Variants in RAB11FIP3 observed in about 807,000 individuals in gnomAD.
RAB11FIP3 encodes the protein rab11 family-interacting protein 3.
A neutral mutation model predicts 77.8 loss-of-function variants in RAB11FIP3; 17 were observed. That is an observed-to-expected ratio of 0.22 (90% CI 0.15 to 0.33). The LOEUF (loss-of-function observed/expected upper bound fraction) is 0.33. Among genes scored for constraint, RAB11FIP3 ranks in the 10% least tolerant of loss-of-function variants. The pLI is 1.00. For synonymous variants in RAB11FIP3, 437 were observed against 448.2 expected (o/e 0.98, Z 0.31); for missense variants, 1,005 against 1,011.2 (o/e 0.99, Z 0.08).
intron 2 of RAB11FIP3, among the ~76,000 whole-genome samples, chr16:466,566 G>C (rs1258414328): frequency 6.6e-6 from 1 of 152,224 alleles, no homozygotes; most frequent in Non-Finnish European, 1.5e-5. Flanking sequence ...GGAGGAGCCC[G>C]ATGCTCTGTC....
intron 9 of RAB11FIP3, among the ~76,000 whole-genome samples, chr16:512,414 G>A (rs1288208824): frequency 6.6e-6 from 1 of 151,584 alleles, no homozygotes; most frequent in Non-Finnish European, 1.5e-5. Flanking sequence ...CTAATTTTTT[G>A]TAATTTTAGT....
chr16:444,276 T>C (rs2055275481), intron 1 of RAB11FIP3, among the ~76,000 whole-genome samples: 1 of 152,216 alleles, frequency 6.6e-6, no homozygotes, highest in Non-Finnish European at 1.5e-5. Context: ...ATGCCTACTT[T>C]TCACTACCTT....
intron 1 of RAB11FIP3, among the ~76,000 whole-genome samples, chr16:450,081 A>T (rs2055382131): frequency 6.6e-6 from 1 of 152,212 alleles, no homozygotes; most frequent in Non-Finnish European, 1.5e-5. Context: ...TAGTCTTGGC[A>T]CACCTTCCTT....
In RAB11FIP3 at chr16:488,863, T is replaced by G. The variant is rs554359406; in HGVS notation, c.1128T>G (p.His376Gln). ...LLLLPGRPHP[H>Q]GQSVITVIGG... Reference sequence around the variant, plus strand: ...TTTTACTTTGCAGGCCTCACCCCCATGGCCAGTCTGTCATCACGGTGATCG... The same window carrying G: ...TTTTACTTTGCAGGCCTCACCCCCAGGGCCAGTCTGTCATCACGGTGATCG... The change falls in exon 5 of 14, where the codon CAT (histidine) becomes CAG (glutamine). Residue 376 changes from histidine (H) to glutamine (Q), a missense_variant. His to Gln is a conservative substitution (Grantham distance 24). Around this residue, in one of 4 missense-constraint regions of RAB11FIP3, gnomAD observed 433 missense variants for 436.1 expected, o/e 0.99. Transcript: ENST00000262305. The G allele has an allele frequency of 6.2e-7, 1 of 1,613,908 alleles. No individual in the cohort carries two copies. The highest frequency in any genetic ancestry group is 1.3e-5 in the African/African-American group (1 of 74,926).
chr16:456,671 T>A (rs2055509444), intron 1 of RAB11FIP3, among the ~76,000 whole-genome samples: 1 of 152,014 alleles, frequency 6.6e-6, no homozygotes. Context: ...GGCAGGAGAA[T>A]CATCCAAACC....
chr16:444,816 C>T (rs933157136), intron 1 of RAB11FIP3, among the ~76,000 whole-genome samples: 1 of 149,736 alleles, frequency 6.7e-6, no homozygotes, highest in East Asian at 2.0e-4. Context: ...GAGACTATCT[C>T]TATTAAAAAA....
chr16:463,842 T>C (rs1251661947), intron 2 of RAB11FIP3, among the ~76,000 whole-genome samples: 2 of 152,154 alleles, frequency 1.3e-5, no homozygotes, highest in African/African-American at 2.4e-5. Flanking sequence ...GGGGCCTCTG[T>C]GGTGAACCAG....
rs1393748763 is a variant in RAB11FIP3 at position 471,652 on chromosome 16, G to C, written c.903+263G>C. 6.6e-6 allele frequency among the ~76,000 whole-genome samples: 1 copy of C among 152,182 alleles called. No homozygotes were observed. Among genetic ancestry groups the C allele is most frequent in the Non-Finnish European group, 1.5e-5 (1 of 68,028 alleles). ...GAAGTGGGGTGGGCAGTGATGTCAT[G>C]ACCACCCGCTGCCAGGCTGGCAGGC... On this transcript the variant is annotated intron_variant, in intron 3 of 13. Coordinates refer to ENST00000262305, the MANE Select transcript of RAB11FIP3 (RefSeq NM_014700.4). This position sits in a 1 kb window ranked among gnomAD's most constrained non-coding sequence, Gnocchi z 4.4.
At chr16:488,551 G>A (rs1166992767) in intron 4 of RAB11FIP3, among the ~76,000 whole-genome samples, 1 of 152,050 alleles carries the variant, frequency 6.6e-6, no homozygotes, top group Non-Finnish European at 1.5e-5. Context: ...TGGGACTACA[G>A]TCGTGCGCAT....
Position 505,241 on chromosome 16 carries a change from C to T in RAB11FIP3, c.1396-283C>T, listed in dbSNP as rs948000172. On this transcript the variant is annotated intron_variant, in intron 7 of 13. Coordinates refer to ENST00000262305, the MANE Select transcript of RAB11FIP3 (RefSeq NM_014700.4). This position sits in a 1 kb window ranked among gnomAD's most constrained non-coding sequence, Gnocchi z 4.0. Reference sequence around the variant, plus strand: ...TGTTGGGGGGCTGAGTCTTGCTGCCCACCAGCCAGCCAGTCCAAAGGCACC... The same window carrying T: ...TGTTGGGGGGCTGAGTCTTGCTGCCTACCAGCCAGCCAGTCCAAAGGCACC... 2.0e-5 allele frequency among the ~76,000 whole-genome samples: 3 copies of T among 152,016 alleles called. No individual in the cohort carries two copies. The highest frequency in any genetic ancestry group is 7.2e-5 in the African/African-American group (3 of 41,394).
At chr16:482,856 G>C (rs1214916710) in intron 4 of RAB11FIP3, 120 bp downstream of exon 4, 3 of 1,113,228 alleles carry the variant, frequency 2.7e-6, no homozygotes, top group Non-Finnish European at 3.8e-6. Flanking sequence ...ATTATGTGGG[G>C]GTGGGGCTTG....
Position 472,369 on chromosome 16 carries a change from G to A in RAB11FIP3, c.903+980G>A, listed in dbSNP as rs986893647. On this transcript the variant is annotated intron_variant, in intron 3 of 13. Transcript: ENST00000262305. The surrounding 1 kb of genome is among the most constrained non-coding windows in gnomAD (Gnocchi z 4.1). ...GGGCTGCAGCTTCTGGGGCCAGGGC[G>A]CCCACCGTGGGTCCCATGTTTGGCC... is the stretch of plus-strand genomic sequence containing the variant. 5.3e-5 allele frequency among the ~76,000 whole-genome samples: 8 copies of A among 152,326 alleles called. No homozygotes were observed. Among genetic ancestry groups the A allele is most frequent in the Non-Finnish European group, 8.8e-5 (6 of 68,020 alleles).
At chr16:504,935 ACCT>A (rs1237774808) in intron 7 of RAB11FIP3, among the ~76,000 whole-genome samples, 4 of 59,246 alleles carry the variant, frequency 6.8e-5, no homozygotes. Context: ...GTACTCTCTC[ACCT>A]CCTCCTGTAC....
At chr16:439,630 C>T (rs950545096) in intron 1 of RAB11FIP3, among the ~76,000 whole-genome samples, 3 of 152,094 alleles carry the variant, frequency 2.0e-5, no homozygotes, top group Non-Finnish European at 2.9e-5. Flanking sequence ...GATGCACACC[C>T]GTGACACAGC....
chr16:480,095 T>C (rs905669434), intron 3 of RAB11FIP3, among the ~76,000 whole-genome samples: 1 of 152,022 alleles, frequency 6.6e-6, no homozygotes, highest in Admixed American at 6.6e-5. Context: ...GAGACTGGCC[T>C]GGCCAACGTG....
rs945237755 is a variant in RAB11FIP3 at position 522,062 on chromosome 16, C to T, written c.*1223C>T. ...GCGCGTGTACGTGTGGCCCCACATC[C>T]GCCGCCTTCCACGCTAGGATGTAAG... On this transcript the variant is annotated 3_prime_UTR_variant, in exon 14 of 14. Transcript: ENST00000262305. 2.1e-5 allele frequency: 3 copies of T among 142,880 alleles called. No homozygotes were observed. Among genetic ancestry groups the T allele is most frequent in the Admixed American group, 1.3e-4 (2 of 14,900 alleles). The allele number at this position is 142,880 out of a possible 1,614,324, so 8.9% of individuals were successfully genotyped here.
chr16:510,133 ACT>A (rs2032067008), intron 8 of RAB11FIP3, among the ~76,000 whole-genome samples: 1 of 144,688 alleles, frequency 6.9e-6, no homozygotes, highest in African/African-American at 2.7e-5. Flanking sequence ...CTCTGAGCGC[ACT>A]CGTTGTGTGT....
chr16:492,803 T>C (rs1014473785), intron 5 of RAB11FIP3, among the ~76,000 whole-genome samples: 1 of 152,102 alleles, frequency 6.6e-6, no homozygotes, highest in Admixed American at 6.6e-5. Flanking sequence ...ATAGAACTGA[T>C]TTTTTCCCAC....
At chr16:428,664 G>C (rs2054990006) in intron 1 of RAB11FIP3, among the ~76,000 whole-genome samples, 1 of 152,132 alleles carries the variant, frequency 6.6e-6, no homozygotes, top group African/African-American at 2.4e-5. Flanking sequence ...AGTAGAACTA[G>C]GTCTTTTGGC....
Sources: allele counts gnomAD v4.1 joint callset (sites outside exome capture counted in the v4.1 genomes callset), GRCh38; gene constraint gnomAD v4.1.1; regional missense constraint gnomAD v4.1.1; non-coding constraint Gnocchi (gnomAD v3.1); transcripts MANE v1.5; gene names NCBI Gene and HGNC (gene_info 2026-07-23, HGNC 2026-07-21).